Variants in LYRM4 observed in about 807,000 individuals in gnomAD.
LYRM4 encodes the protein LYR motif-containing protein 4.
LYRM4 carries 9 observed loss-of-function variants against 11.7 expected under a neutral mutation model. The observed-to-expected ratio is 0.77, with a 90% CI of 0.46 to 1.34. The LOEUF (loss-of-function observed/expected upper bound fraction) is 1.34, where lower values mean the gene tolerates loss of function less well. Among genes scored for constraint, LYRM4 ranks in the 40% most tolerant of loss-of-function variants. LYRM4 has a pLI of 0.00. For missense variants in LYRM4, 133 were observed against 112.5 expected (o/e 1.18, Z -0.82); for synonymous variants, 42 against 40.4 (o/e 1.04, Z -0.15).
intron 2 of LYRM4, among the ~76,000 whole-genome samples, chr6:5,174,004 A>G (rs1368158341): frequency 6.6e-6 from 1 of 152,210 alleles, no homozygotes; most frequent in East Asian, 1.9e-4. Flanking sequence ...ATGCAGGTCC[A>G]AGGAGGAAGC....
chr6:5,254,649 G>GCTTAT (rs1412291011), intron 1 of LYRM4, among the ~76,000 whole-genome samples: 1 of 152,178 alleles, frequency 6.6e-6, no homozygotes, highest in Non-Finnish European at 1.5e-5. Flanking sequence ...CTCAACATCT[G>GCTTAT]CTTATCTCCC....
intron 1 of LYRM4, among the ~76,000 whole-genome samples, chr6:5,246,100 C>A (rs1609808): frequency 0.28 from 42,098 of 151,902 alleles, 7,194 homozygotes; most frequent in African/African-American, 0.48. Context: ...CCAGAGTTGA[C>A]CTATAAGTTG....
chr6:5,168,786 G>C (rs568290253), intron 2 of LYRM4, among the ~76,000 whole-genome samples: 1 of 152,250 alleles, frequency 6.6e-6, no homozygotes, highest in Non-Finnish European at 1.5e-5. Context: ...GGTTATGTAC[G>C]AGAACACGCT....
At chr6:5,254,314 GA>G (rs570147707) in intron 1 of LYRM4, among the ~76,000 whole-genome samples, 9 of 152,274 alleles carry the variant, frequency 5.9e-5, no homozygotes, top group African/African-American at 1.7e-4. Context: ...TTTTTGTAGG[GA>G]AAACGCTTCC....
downstream of LYRM4, chr6:5,104,901 C>G (rs1762615178): frequency 6.6e-6 from 1 of 152,352 alleles, no homozygotes; most frequent in African/African-American, 2.4e-5. Context: ...TTGGCCAGCC[C>G]TTCCATCTGT....
chr6:5,039,227 A>G, the LYRM4 span, among the ~76,000 whole-genome samples: 1 of 152,180 alleles, frequency 6.6e-6, no homozygotes, highest in Non-Finnish European at 1.5e-5. Flanking sequence ...CTTAAAAGCT[A>G]TTAGTATTGT....
intron 2 of LYRM4, among the ~76,000 whole-genome samples, chr6:5,110,332 T>A (rs1762823217): frequency 9.1e-6 from 1 of 109,844 alleles, no homozygotes; most frequent in African/African-American, 3.8e-5. Context: ...GTCAACATCC[T>A]CATGGTTTTC....
intron 2 of LYRM4, among the ~76,000 whole-genome samples, chr6:5,134,177 A>G (rs1446484593): frequency 2.0e-5 from 3 of 152,240 alleles, no homozygotes; most frequent in Non-Finnish European, 4.4e-5. Context: ...GCTGCTTTCC[A>G]CACATGTCAG....
At chr6:5,084,157 CG>C in the LYRM4 span, among the ~76,000 whole-genome samples, 1 of 152,248 alleles carries the variant, frequency 6.6e-6, no homozygotes, top group African/African-American at 2.4e-5. Flanking sequence ...GATGTGACAA[CG>C]GGCCCCCGAG....
chr6:5,184,319 G>A (rs915967866), intron 2 of LYRM4, among the ~76,000 whole-genome samples: 3 of 152,062 alleles, frequency 2.0e-5, no homozygotes, highest in East Asian at 3.9e-4. Context: ...AATTATAACT[G>A]GATAACCTCT....
intron 2 of LYRM4, among the ~76,000 whole-genome samples, chr6:5,150,617 C>T (rs1276085420): frequency 1.3e-5 from 2 of 152,118 alleles, no homozygotes; most frequent in East Asian, 3.9e-4. Context: ...CTTTGGCCAC[C>T]TTGAAAAGCA....
chr6:5,196,134 CAACG>C, intron 2 of LYRM4, among the ~76,000 whole-genome samples: 1 of 152,178 alleles, frequency 6.6e-6, no homozygotes, highest in Non-Finnish European at 1.5e-5. Flanking sequence ...GACGCTGGGG[CAACG>C]TGGCTCCGAC....
the LYRM4 span, among the ~76,000 whole-genome samples, chr6:5,081,423 T>A: frequency 1.3e-5 from 2 of 152,164 alleles, no homozygotes; most frequent in Non-Finnish European, 2.9e-5. Context: ...GCAAGGTGGG[T>A]GCACACCGTT....
At chr6:5,191,062 G>A (rs1021459654) in intron 2 of LYRM4, among the ~76,000 whole-genome samples, 3 of 152,004 alleles carry the variant, frequency 2.0e-5, no homozygotes, top group African/African-American at 7.3e-5. Flanking sequence ...GAAAATCACG[G>A]ATGTACATGA....
chr6:5,138,441 T>C (rs1757218629), intron 2 of LYRM4, among the ~76,000 whole-genome samples: 1 of 120,082 alleles, frequency 8.3e-6, no homozygotes, highest in Non-Finnish European at 1.6e-5. Context: ...GCCGTAATCA[T>C]GCCAACTGTA....
At chr6:5,161,090 A>C (rs908019753) in intron 2 of LYRM4, among the ~76,000 whole-genome samples, 1 of 152,240 alleles carries the variant, frequency 6.6e-6, no homozygotes, top group Non-Finnish European at 1.5e-5. Context: ...TGGAATATCT[A>C]AAACTAGAAG....
chr6:5,123,400 C>T (rs969989432), intron 2 of LYRM4, among the ~76,000 whole-genome samples: 9 of 152,230 alleles, frequency 5.9e-5, no homozygotes, highest in Admixed American at 2.0e-4. Context: ...CCCTGGTTAA[C>T]GTGACTCACC....
intron 2 of LYRM4, among the ~76,000 whole-genome samples, chr6:5,180,387 A>C (rs1198034962): frequency 6.6e-6 from 1 of 152,108 alleles, no homozygotes; most frequent in Non-Finnish European, 1.5e-5. Context: ...TTCAGTCTGC[A>C]TTTTTAGGCT....
chr6:5,219,798 A>C (rs191226911), intron 1 of LYRM4, among the ~76,000 whole-genome samples: 4 of 152,280 alleles, frequency 2.6e-5, no homozygotes, highest in Admixed American at 6.5e-5. Flanking sequence ...ATTTCAAAGA[A>C]AAATTTGCAG....
Sources: gnomAD v4.1 joint callset for allele counts (sites outside exome capture counted in the v4.1 genomes callset) on GRCh38, gnomAD v4.1.1 for gene constraint, MANE v1.5 for transcripts, NCBI Gene and HGNC (gene_info 2026-07-23, HGNC 2026-07-21) for gene names.